LYSMD1: variants seen among roughly 807,000 people sequenced by gnomAD.
The protein encoded by LYSMD1 is lysM and putative peptidoglycan-binding domain-containing protein 1.
Under a neutral mutation model 19.3 loss-of-function variants are expected in LYSMD1, and 9 were observed. The observed-to-expected ratio is 0.47, with a 90% confidence interval of 0.28 to 0.81. The LOEUF (loss-of-function observed/expected upper bound fraction) is 0.81. Among genes scored for constraint, LYSMD1 ranks in the 40% least tolerant of loss-of-function variants. The pLI is 0.11. For missense variants in LYSMD1, 262 were observed against 279.8 expected (o/e 0.94, Z 0.45); for synonymous variants, 111 against 111.7 (o/e 0.99, Z 0.04).
Position 151,161,730 on chromosome 1 carries a change from A to C in LYSMD1, c.545+6T>G. 1 of 1,607,634 alleles carries C rather than the reference A, an allele frequency of 6.2e-7. No homozygotes were observed. ...AGGAACTTATAAGGAACCATTCAAG[A>C]CTCACCCATTTTCCCCTTTTTTCAG... On this transcript the variant is annotated splice_donor_region_variant and intron_variant, in intron 2 of 2. Transcript: ENST00000368908.
chr1:151,156,154 C>T (rs954136092), downstream of LYSMD1, among the ~76,000 whole-genome samples: 6 of 147,318 alleles, frequency 4.1e-5, no homozygotes, highest in South Asian at 4.4e-4. Context: ...TGTTCCTCTA[C>T]GCTAGTGATT....
chr1:151,152,396 CA>C, the LYSMD1 span, among the ~76,000 whole-genome samples: 1 of 145,928 alleles, frequency 6.9e-6, no homozygotes, highest in Non-Finnish European at 1.5e-5. Context: ...GACTCCATCT[CA>C]AAAAAGTAAA....
chr1:151,151,206 G>T, the LYSMD1 span, among the ~76,000 whole-genome samples: 137,706 of 151,828 alleles, frequency 0.91, 62,671 homozygotes, highest in Non-Finnish European at 0.95. Flanking sequence ...GTTTTGTTTT[G>T]TTTTGAGATG....
the LYSMD1 span, among the ~76,000 whole-genome samples, chr1:151,150,643 C>T: frequency 6.6e-6 from 1 of 151,986 alleles, no homozygotes; most frequent in Non-Finnish European, 1.5e-5. Flanking sequence ...GTCCCTCTTT[C>T]TCTTAACAAA....
downstream of LYSMD1, among the ~76,000 whole-genome samples, chr1:151,156,188 G>T (rs1281519527): frequency 6.6e-6 from 1 of 150,850 alleles, no homozygotes; most frequent in Non-Finnish European, 1.5e-5. Flanking sequence ...GCACCTGCTG[G>T]TCACCTGTGG....
At chr1:151,158,051 G>C (rs587669743), downstream of LYSMD1, among the ~76,000 whole-genome samples, 2 of 152,210 alleles carry the variant, frequency 1.3e-5, no homozygotes, top group Non-Finnish European at 2.9e-5. Context: ...CAGGCTGGGC[G>C]TGGTGGCTCA....
At chr1:151,158,737 GAGA>G (rs757977042), downstream of LYSMD1, 29 of 1,612,202 alleles carry the variant, frequency 1.8e-5, no homozygotes, top group Non-Finnish European at 2.3e-5. Flanking sequence ...ACTGCAAGCA[GAGA>G]AGAAGCTACT....
downstream of LYSMD1, among the ~76,000 whole-genome samples, chr1:151,158,247 CG>C (rs1422589848): frequency 6.6e-6 from 1 of 150,706 alleles, no homozygotes; most frequent in Non-Finnish European, 1.5e-5. Flanking sequence ...AGCTTGAACC[CG>C]GGAGGTGGAG....
the LYSMD1 span, among the ~76,000 whole-genome samples, chr1:151,154,429 C>T: frequency 1.4e-5 from 2 of 147,122 alleles, no homozygotes; most frequent in South Asian, 2.2e-4. Context: ...GAGCTGAAAT[C>T]GCATCACTGC....
At position 151,160,799 on chromosome 1, in the gene LYSMD1, T is replaced by C. The variant is rs766553145; in HGVS notation, c.*83A>G. Reference sequence around the variant, plus strand: ...TGGAGGGAGGCAGGCTCATAAGCCATGTTCTTGAGCCTCACCTCAGGCTCC... The same window carrying C: ...TGGAGGGAGGCAGGCTCATAAGCCACGTTCTTGAGCCTCACCTCAGGCTCC... On this transcript the variant is annotated 3_prime_UTR_variant, in exon 3 of 3. Coordinates refer to ENST00000368908, the MANE Select transcript of LYSMD1 (RefSeq NM_212551.5). The C allele has an allele frequency of 1.3e-6, 2 of 1,489,420 alleles. No homozygotes were observed. The highest frequency in any genetic ancestry group is 1.2e-5 in the South Asian group (1 of 80,802). 92.3% of individuals were successfully genotyped at this position (1,489,420 alleles called of 1,614,324 possible). A position where few individuals can be genotyped will look rare whatever the true frequency, so the allele number is the denominator to read the frequency against.
intron 1 of LYSMD1, among the ~76,000 whole-genome samples, chr1:151,163,819 C>G (rs766217079): frequency 2.0e-5 from 3 of 151,280 alleles, no homozygotes; most frequent in Non-Finnish European, 4.4e-5. Flanking sequence ...TGAGCCACCA[C>G]GCCTGGCCCA....
downstream of LYSMD1, among the ~76,000 whole-genome samples, chr1:151,156,990 GGAGA>G (rs1285246430): frequency 3.3e-5 from 5 of 152,110 alleles, no homozygotes; most frequent in Non-Finnish European, 2.9e-5. Context: ...TAGGAAACAA[GGAGA>G]TAGATGGGTA....
chr1:151,152,459 C>T, the LYSMD1 span, among the ~76,000 whole-genome samples: 45 of 147,284 alleles, frequency 3.1e-4, 1 homozygote, highest in African/African-American at 8.6e-4. Context: ...CCCAGCACTT[C>T]GGGAGGCCGA....
At chr1:151,152,649 G>A in the LYSMD1 span, among the ~76,000 whole-genome samples, 7 of 151,862 alleles carry the variant, frequency 4.6e-5, no homozygotes, top group African/African-American at 1.5e-4. Context: ...GCAGTGAGCC[G>A]AGATCATGCC....
Position 151,165,840 on chromosome 1 carries a change from G to A in LYSMD1, c.-582C>T. 7.2e-7 allele frequency: 1 copy of A among 1,391,598 alleles called. No individual in the cohort carries two copies. The highest frequency in any genetic ancestry group is 1.0e-6 in the Non-Finnish European group (1 of 1,001,192). 86.2% of individuals were successfully genotyped at this position (1,391,598 alleles called of 1,614,324 possible). On this transcript the variant is annotated 5_prime_UTR_variant, in exon 1 of 3. Transcript: ENST00000368908. Reference sequence around the variant, plus strand: ...CATCTAGGTTGTTGTCCCTCCAAACGCCTCAGATCCGCCAAGATGCAAGGG... The same window carrying A: ...CATCTAGGTTGTTGTCCCTCCAAACACCTCAGATCCGCCAAGATGCAAGGG...
chr1:151,149,895 G>A, the LYSMD1 span, among the ~76,000 whole-genome samples: 18 of 152,144 alleles, frequency 1.2e-4, no homozygotes, highest in East Asian at 5.8e-4. Flanking sequence ...ACCCTCATCC[G>A]TCTTCAGAGA....
the LYSMD1 span, among the ~76,000 whole-genome samples, chr1:151,153,352 C>T: frequency 6.6e-6 from 1 of 151,986 alleles, no homozygotes; most frequent in African/African-American, 2.4e-5. Flanking sequence ...TAGCAAGACC[C>T]TATCTCTAAA....
At chr1:151,149,588 T>C in the LYSMD1 span, among the ~76,000 whole-genome samples, 1 of 151,304 alleles carries the variant, frequency 6.6e-6, no homozygotes, top group African/African-American at 2.4e-5. Flanking sequence ...CCGTCTCTAC[T>C]AAAATAAAAA....
chr1:151,159,237 C>T (rs142224661), downstream of LYSMD1: 559 of 1,611,834 alleles, frequency 3.5e-4, no homozygotes, highest in Non-Finnish European at 4.2e-4. Context: ...AGCTGCTAGA[C>T]GAAGGGAAGC....
Sources: gnomAD v4.1 joint callset for allele counts (sites outside exome capture counted in the v4.1 genomes callset) on GRCh38, gnomAD v4.1.1 for gene constraint, MANE v1.5 for transcripts, NCBI Gene and HGNC (gene_info 2026-07-23, HGNC 2026-07-21) for gene names.